The following C16orf89 variants were observed in gnomAD, a reference collection of about 807,000 sequenced individuals.
The protein encoded by C16orf89 is chromosome 16 open reading frame 89.
Under a neutral mutation model 41.5 loss-of-function variants are expected in C16orf89, and 57 were observed. The observed-to-expected ratio is 1.38, with a 90% CI of 1.11 to 1.71. The LOEUF (loss-of-function observed/expected upper bound fraction) is 1.71. C16orf89 is among the 40% of genes most tolerant of loss of function. The probability of loss-of-function intolerance (pLI) is 0.00; values close to 1 mark genes in which losing one functional copy is unlikely to be tolerated. For missense variants in C16orf89, 575 were observed against 445.9 expected (o/e 1.29, Z -2.61); for synonymous variants, 223 against 190.6 (o/e 1.17, Z -1.40).
At position 5,058,531 on chromosome 16, in the gene C16orf89, GGCAGTA is replaced by G. The variant is rs745590890; in HGVS notation, c.583_588del (p.Tyr195_Cys196del). On this transcript the variant is annotated inframe_deletion, in exon 4 of 8. Coordinates refer to ENST00000472572, the MANE Select transcript of C16orf89 (RefSeq NM_001098514.3). ...AGGAAGAAGAGCAGTTGGTGGGACA[GGCAGTA>G]GCCTGAGCAGCCGGGCTTGGTCATG... 1.2e-6 allele frequency: 2 copies of G among 1,612,502 alleles called. No homozygotes were observed. The highest frequency in any genetic ancestry group is 1.7e-6 in the Non-Finnish European group (2 of 1,179,704).
intron 7 of C16orf89, among the ~76,000 whole-genome samples, chr16:5,045,921 T>G (rs924979088): frequency 3.3e-5 from 5 of 152,172 alleles, no homozygotes; most frequent in Non-Finnish European, 5.9e-5. Flanking sequence ...AGGAAAGGCC[T>G]TGGGCTCTGG....
chr16:5,044,903 G>A (rs2142591054), intron 7 of C16orf89: 1 of 1,246,420 alleles, frequency 8.0e-7, no homozygotes, highest in East Asian at 6.1e-5. Context: ...CGCTGAGTGG[G>A]TGCTTCGGTG....
At position 5,055,962 on chromosome 16, in the gene C16orf89, TG is replaced by T. The variant is rs1163095129; in HGVS notation, c.763+90del. On this transcript the variant is annotated intron_variant, in intron 5 of 7. Transcript: ENST00000472572. ...CCGTGTGTGTGTGTGTGTGTGTGTGTGTGTGTGTGTGTGTGTGTGTGTGTGT... is the reference window on the plus strand; with the variant it reads ...CCGTGTGTGTGTGTGTGTGTGTGTGTTGTGTGTGTGTGTGTGTGTGTGTGT... 6 of 725,336 alleles carry T rather than the reference TG, an allele frequency of 8.3e-6. No homozygotes were observed. In the African/African-American group the frequency reaches 1.2e-4, roughly 14 times the overall value. The allele number at this position is 725,336 out of a possible 1,614,324, so 44.9% of individuals were successfully genotyped here.
At chr16:5,057,010 C>T (rs1031356009) in intron 4 of C16orf89, among the ~76,000 whole-genome samples, 4 of 150,206 alleles carry the variant, frequency 2.7e-5, no homozygotes, top group Non-Finnish European at 4.5e-5. Context: ...GAGGCCGAGG[C>T]GGGTGGATCA....
intron 2 of C16orf89, 59 bp downstream of exon 2, chr16:5,062,366 C>T: frequency 6.6e-7 from 1 of 1,519,420 alleles, no homozygotes; most frequent in Non-Finnish European, 8.9e-7. Context: ...TGGGTTATTT[C>T]AGTCAATATC....
At chr16:5,053,692 C>CGCCACCA (rs939550269) in intron 6 of C16orf89, among the ~76,000 whole-genome samples, 2 of 151,942 alleles carry the variant, frequency 1.3e-5, no homozygotes, top group African/African-American at 4.8e-5. Flanking sequence ...CATAGGTGTG[C>CGCCACCA]GCCACCACAC....
chr16:5,044,425 G>A lies in C16orf89; in HGVS notation c.1009C>T (p.Leu337=), dbSNP rs1267614293. 2.5e-6 allele frequency: 4 copies of A among 1,612,964 alleles called. No homozygotes were observed. The highest frequency in any genetic ancestry group is 2.5e-6 in the Non-Finnish European group (3 of 1,179,688). Residue 337 remains leucine (L), a synonymous_variant, in exon 8 of 8, where the codon CTA becomes TTA. Transcript: ENST00000472572. Reference sequence around the variant, plus strand: ...GGGGGGTATTCTGCCAGGATGTATAGGAAGCCACCCAGGGCTGCCACTGCT... The same window carrying A: ...GGGGGGTATTCTGCCAGGATGTATAAGAAGCCACCCAGGGCTGCCACTGCT... ...ATAVAALGGF[L]YILAEYPPAN...
intron 6 of C16orf89, among the ~76,000 whole-genome samples, chr16:5,051,883 T>G (rs1488377893): frequency 6.6e-6 from 1 of 152,108 alleles, no homozygotes; most frequent in Non-Finnish European, 1.5e-5. Context: ...GCAGATCACT[T>G]GAGGCCAGGG....
Position 5,044,266 on chromosome 16 carries a change from G to A in C16orf89, c.*82C>T, listed in dbSNP as rs1362715099. The A allele has an allele frequency of 6.7e-7, 1 of 1,482,426 alleles. No individual in the cohort carries two copies. Among genetic ancestry groups the A allele is most frequent in the Non-Finnish European group, 8.9e-7 (1 of 1,119,836 alleles). The allele number at this position is 1,482,426 out of a possible 1,614,324, so 91.8% of individuals were successfully genotyped here. On this transcript the variant is annotated 3_prime_UTR_variant, in exon 8 of 8. Coordinates refer to ENST00000472572, the MANE Select transcript of C16orf89 (RefSeq NM_001098514.3). ...TCCAGATGCCTTCTTCCCAGGATGT[G>A]ATCCGTGCCCTCCAGGATCTAAGGG...
In C16orf89 at chr16:5,057,497, C is replaced by T. The variant is rs1364784581; in HGVS notation, c.627+996G>A. 4.1e-5 allele frequency among the ~76,000 whole-genome samples: 6 copies of T among 147,284 alleles called. No homozygotes were observed. In the Admixed American group the frequency reaches 4.1e-4, roughly 10 times the overall value. ...TGTGTGTGTATATATATATATATGC[C>T]ACCATATATATATTTTTCTTTTTCT... On this transcript the variant is annotated intron_variant, in intron 4 of 7. Transcript: ENST00000472572.
At chr16:5,046,434 C>T (rs147788066) in intron 7 of C16orf89, among the ~76,000 whole-genome samples, 114 of 152,186 alleles carry the variant, frequency 7.5e-4, no homozygotes, top group African/African-American at 2.7e-3. Flanking sequence ...TCACTGCAAC[C>T]TCTGTCTCCT....
intron 1 of C16orf89, 54 bp downstream of exon 1, chr16:5,065,647 A>C (rs183144681): frequency 1.3e-6 from 2 of 1,541,586 alleles, no homozygotes; most frequent in Non-Finnish European, 1.8e-6. Context: ...GGCAGGGGAC[A>C]AAGCTGAGAG....
chr16:5,047,804 A>G, intron 7 of C16orf89, 74 bp downstream of exon 7: 1 of 866,256 alleles, frequency 1.2e-6, no homozygotes, highest in South Asian at 1.4e-5. Context: ...CATAGCAGAG[A>G]ATAAACACAG....
Position 5,055,347 on chromosome 16 carries a change from A to T in C16orf89, c.767T>A (p.Met256Lys). ...GGAGAAGCCGCCCATTCCACAGAAC[A>T]TGACTGGAAGTAAAGACGGGGGCCC... Reference protein sequence around the residue: ...PTRDIFMENIMFCGMGGFSDF... With the variant: ...PTRDIFMENIKFCGMGGFSDF... The change falls in exon 6 of 8, where the codon ATG becomes AAG. Residue 256 changes from methionine (M) to lysine (K), a missense_variant. Coordinates refer to ENST00000472572, the MANE Select transcript of C16orf89 (RefSeq NM_001098514.3). The T allele has an allele frequency of 6.2e-7, 1 of 1,608,230 alleles. No individual in the cohort carries two copies. The highest frequency in any genetic ancestry group is 8.5e-7 in the Non-Finnish European group (1 of 1,176,478).
chr16:5,065,723 C>T lies in C16orf89; in HGVS notation c.186G>A (p.Met62Ile). Residue 62 changes from methionine (M) to isoleucine (I), a missense_variant, in exon 1 of 8, where the codon ATG (methionine) becomes ATA (isoleucine). Met to Ile is a conservative substitution (Grantham distance 10, BLOSUM62 1). Coordinates refer to ENST00000472572, the MANE Select transcript of C16orf89 (RefSeq NM_001098514.3). ...QRLPEINLDG[M>I]VGVRVLEEQL... is the part of the protein sequence containing the mutation. The stretch of plus-strand genomic sequence containing the variant: ...CACCTTCCAGCACTCGGACCCCCAC[C>T]ATGCCATCCAGGTTGATTTCAGGCA... 2 of 1,613,812 alleles carry T rather than the reference C, an allele frequency of 1.2e-6. No homozygotes were observed.
chr16:5,059,596 G>T (rs1956575212), intron 3 of C16orf89, among the ~76,000 whole-genome samples: 1 of 152,168 alleles, frequency 6.6e-6, no homozygotes, highest in Non-Finnish European at 1.5e-5. Context: ...TGCGGCCTGG[G>T]CACCGGCTGC....
chr16:5,048,651 A>G (rs771275287), intron 6 of C16orf89, among the ~76,000 whole-genome samples: 12 of 152,248 alleles, frequency 7.9e-5, no homozygotes, highest in Admixed American at 2.0e-4. Flanking sequence ...ATCTGAAAAG[A>G]AAAAGACAAT....
chr16:5,059,924 G>T (rs532781238), intron 3 of C16orf89, among the ~76,000 whole-genome samples: 25 of 152,084 alleles, frequency 1.6e-4, no homozygotes, highest in African/African-American at 6.0e-4. Context: ...TGGGTGGGGT[G>T]GGGGGAGCAA....
chr16:5,057,248 AAG>A (rs1956527489), intron 4 of C16orf89, among the ~76,000 whole-genome samples: 1 of 147,648 alleles, frequency 6.8e-6, no homozygotes, highest in African/African-American at 2.5e-5. Flanking sequence ...AAAAAAAAAA[AAG>A]AAGGAAAAGA....
Sources: gnomAD v4.1 joint callset for allele counts (sites outside exome capture counted in the v4.1 genomes callset) on GRCh38, gnomAD v4.1.1 for gene constraint, MANE v1.5 for transcripts, NCBI Gene and HGNC (gene_info 2026-07-23, HGNC 2026-07-21) for gene names.